CTNNA3: variants seen among roughly 807,000 people sequenced by gnomAD.
CTNNA3 encodes the protein catenin alpha-3.
In CTNNA3, 76 loss-of-function variants were observed where a neutral mutation model predicts 95.7. The observed-to-expected ratio is 0.79, with a 90% CI of 0.66 to 0.96. The LOEUF is 0.96. CTNNA3 is among the 40% of genes least tolerant of loss of function. The pLI is 0.00. For missense variants in CTNNA3, 1,191 were observed against 1,089.8 expected, an observed-to-expected ratio of 1.09 and a Z score of -1.31; for synonymous variants, 431 against 374.4, an observed-to-expected ratio of 1.15 and a Z score of -1.74.
At chr10:66,441,110 A>C (rs1162764809) in intron 11 of CTNNA3, among the ~76,000 whole-genome samples, 1 of 152,182 alleles carries the variant, frequency 6.6e-6, no homozygotes, top group Non-Finnish European at 1.5e-5. Flanking sequence ...AGGTGGGAGC[A>C]TTGTTTGAGG....
intron 15 of CTNNA3, among the ~76,000 whole-genome samples, chr10:66,056,401 T>G (rs971071709): frequency 6.6e-5 from 10 of 152,158 alleles, no homozygotes; most frequent in African/African-American, 2.4e-4. Context: ...ATGATGAATG[T>G]ACTTTTTAAT....
chr10:67,297,830 C>T (rs536464821), intron 5 of CTNNA3, among the ~76,000 whole-genome samples: 52 of 152,226 alleles, frequency 3.4e-4, no homozygotes, highest in South Asian at 6.2e-4. Context: ...TTGCATCCTG[C>T]GGTCATGTAG....
intron 1 of CTNNA3, among the ~76,000 whole-genome samples, chr10:67,673,800 CGTCCG>C: frequency 7.7e-6 from 1 of 130,474 alleles, no homozygotes; most frequent in South Asian, 2.7e-4. Context: ...TAATAACGGA[CGTCCG>C]TTATTAACTT....
chr10:67,132,961 C>T (rs1270220319), intron 7 of CTNNA3, among the ~76,000 whole-genome samples: 1 of 151,736 alleles, frequency 6.6e-6, no homozygotes, highest in Non-Finnish European at 1.5e-5. Flanking sequence ...GTTGTGGGCA[C>T]ACACATACAG....
At chr10:67,159,119 G>A (rs1209914877) in intron 7 of CTNNA3, among the ~76,000 whole-genome samples, 1 of 152,198 alleles carries the variant, frequency 6.6e-6, no homozygotes, top group African/African-American at 2.4e-5. Context: ...TCCAGACATT[G>A]TATAGAACAA....
intron 15 of CTNNA3, among the ~76,000 whole-genome samples, chr10:66,036,178 A>G (rs1026054662): frequency 2.6e-5 from 4 of 152,178 alleles, no homozygotes; most frequent in Non-Finnish European, 4.4e-5. Flanking sequence ...TTGTAACATT[A>G]CTATCTTCTC....
chr10:67,217,560 C>T (rs1398229374), intron 6 of CTNNA3, among the ~76,000 whole-genome samples: 2 of 152,178 alleles, frequency 1.3e-5, no homozygotes, highest in African/African-American at 4.8e-5. Flanking sequence ...CCTGCCTATG[C>T]CCACTCCCAC....
At chr10:67,600,522 T>C (rs1589473512) in intron 3 of CTNNA3, among the ~76,000 whole-genome samples, 1 of 152,118 alleles carries the variant, frequency 6.6e-6, no homozygotes, top group Non-Finnish European at 1.5e-5. Flanking sequence ...AAAACTACAA[T>C]ATAATACCAC....
At chr10:66,162,130 T>G (rs746814781) in intron 13 of CTNNA3, among the ~76,000 whole-genome samples, 2 of 152,150 alleles carry the variant, frequency 1.3e-5, no homozygotes, top group African/African-American at 4.8e-5. Flanking sequence ...TGGATATCCT[T>G]GCATTGGGCT....
chr10:67,748,556 G>A lies in CTNNA3; in HGVS notation c.-2+14878C>T, dbSNP rs547472561. Reference sequence around the variant, plus strand: ...TATTTTTCAAACAAGCAAACGTTGAGGGAATTTGTCACTGCCAGGCCTACC... The same window carrying A: ...TATTTTTCAAACAAGCAAACGTTGAAGGAATTTGTCACTGCCAGGCCTACC... On this transcript the variant is annotated intron_variant, in intron 1 of 17. Transcript: ENST00000684154. Among the ~76,000 whole-genome samples, 5 of 152,284 alleles carry A rather than the reference G, an allele frequency of 3.3e-5. No homozygotes were observed. The South Asian group carries it at 1.0e-3, about 32-fold the overall frequency.
At chr10:67,650,085 C>T (rs544058369) in intron 1 of CTNNA3, among the ~76,000 whole-genome samples, 15 of 152,236 alleles carry the variant, frequency 9.9e-5, no homozygotes, top group South Asian at 4.1e-4. Context: ...GTGATCCGCC[C>T]GCCTCACCCT....
intron 5 of CTNNA3, among the ~76,000 whole-genome samples, chr10:67,397,950 AG>A (rs1844775654): frequency 6.6e-6 from 1 of 152,238 alleles, no homozygotes; most frequent in Non-Finnish European, 1.5e-5. Context: ...TAGATTTCAG[AG>A]GATGTATGGA....
chr10:66,748,808 C>G (rs1038295760), intron 9 of CTNNA3, among the ~76,000 whole-genome samples: 2 of 152,138 alleles, frequency 1.3e-5, no homozygotes, highest in Admixed American at 1.3e-4. Flanking sequence ...TCCTGCACCA[C>G]AGCGGTGCAT....
intron 7 of CTNNA3, among the ~76,000 whole-genome samples, chr10:67,164,580 T>C (rs538993157): frequency 1.3e-5 from 2 of 151,874 alleles, no homozygotes; most frequent in African/African-American, 2.4e-5. Context: ...AAAGAAAAAA[T>C]AGATAAAGCT....
At chr10:66,815,271 A>G (rs1842032026) in intron 7 of CTNNA3, among the ~76,000 whole-genome samples, 1 of 152,276 alleles carries the variant, frequency 6.6e-6, no homozygotes, top group African/African-American at 2.4e-5. Context: ...GTTGAATTTC[A>G]GTAAGAACAG....
At chr10:67,508,201 A>G (rs1407620844) in intron 5 of CTNNA3, among the ~76,000 whole-genome samples, 1 of 152,080 alleles carries the variant, frequency 6.6e-6, no homozygotes, top group Non-Finnish European at 1.5e-5. Context: ...TATCAGAAAC[A>G]GGGTTTTGCC....
chr10:66,807,294 G>C (rs983056489), intron 7 of CTNNA3, among the ~76,000 whole-genome samples: 1 of 152,056 alleles, frequency 6.6e-6, no homozygotes, highest in Admixed American at 6.6e-5. Flanking sequence ...GAATTTTGGT[G>C]AACTCCCCTC....
intron 7 of CTNNA3, among the ~76,000 whole-genome samples, chr10:66,935,762 T>G (rs1348780033): frequency 6.6e-6 from 1 of 151,260 alleles, no homozygotes; most frequent in Non-Finnish European, 1.5e-5. Flanking sequence ...AAGTGTTTTA[T>G]GCGTTTCGTA....
chr10:67,680,344 T>C (rs781694812), intron 1 of CTNNA3, among the ~76,000 whole-genome samples: 1 of 152,226 alleles, frequency 6.6e-6, no homozygotes, highest in African/African-American at 2.4e-5. Flanking sequence ...CTATCAGTCC[T>C]CACTAACAGA....
Sources: allele counts gnomAD v4.1 joint callset (sites outside exome capture counted in the v4.1 genomes callset), GRCh38; gene constraint gnomAD v4.1.1; transcripts MANE v1.5; gene names NCBI Gene and HGNC (gene_info 2026-07-23, HGNC 2026-07-21).